The following RGS6 variants were observed in gnomAD, a reference collection of about 807,000 sequenced individuals.
RGS6 encodes regulator of G-protein signaling 6.
Under a neutral mutation model 78.5 loss-of-function variants are expected in RGS6, and 30 were observed. The ratio of observed to expected loss-of-function variants is 0.38; its 90% CI spans 0.29 to 0.52. The LOEUF (loss-of-function observed/expected upper bound fraction) is 0.52. Ranked by LOEUF, RGS6 falls within the 20% of genes least tolerant of loss-of-function variation. RGS6 has a pLI of 0.85. For synonymous variants in RGS6, 206 were observed against 206.0 expected, an observed-to-expected ratio of 1.00 and a Z score of 0.00; for missense variants, 495 against 609.7, an observed-to-expected ratio of 0.81 and a Z score of 1.98.
At chr14:71,919,455 A>G in the RGS6 span, among the ~76,000 whole-genome samples, 3 of 152,088 alleles carry the variant, frequency 2.0e-5, no homozygotes. Context: ...TCAACAAGAT[A>G]TAGGGTGTGT....
the RGS6 span, chr14:72,620,010 A>T: frequency 6.6e-7 from 1 of 1,514,212 alleles, no homozygotes; most frequent in Admixed American, 2.1e-5. Flanking sequence ...GTAAGCACAG[A>T]GGAGGAGAGA....
intron 2 of RGS6, among the ~76,000 whole-genome samples, chr14:72,032,014 A>T (rs1282263503): frequency 6.6e-6 from 1 of 152,172 alleles, no homozygotes; most frequent in Non-Finnish European, 1.5e-5. Flanking sequence ...ACTTAAACTA[A>T]TCCTAGATTA....
intron 2 of RGS6, among the ~76,000 whole-genome samples, chr14:72,046,598 T>C (rs1370567989): frequency 6.6e-6 from 1 of 151,846 alleles, no homozygotes; most frequent in African/African-American, 2.4e-5. Context: ...TCCTCTCCTC[T>C]TCTTCCTCCC....
intron 1 of RGS6, among the ~76,000 whole-genome samples, chr14:71,935,429 A>G (rs925337799): frequency 5.3e-5 from 8 of 152,208 alleles, no homozygotes; most frequent in African/African-American, 1.9e-4. Context: ...TTATAAATAT[A>G]AAATATAGCT....
intron 3 of RGS6, among the ~76,000 whole-genome samples, chr14:72,372,432 T>C (rs532794016): frequency 6.6e-6 from 1 of 152,362 alleles, no homozygotes; most frequent in African/African-American, 2.4e-5. Context: ...CAGGATTTTC[T>C]ACAGCGATCT....
chr14:72,529,525 A>T (rs1251184800), intron 15 of RGS6, among the ~76,000 whole-genome samples: 1 of 152,042 alleles, frequency 6.6e-6, no homozygotes, highest in Non-Finnish European at 1.5e-5. Context: ...GTGGTGTCCA[A>T]ACTGCTCCTC....
chr14:71,938,938 C>G (rs996625580), intron 1 of RGS6, among the ~76,000 whole-genome samples: 2 of 152,162 alleles, frequency 1.3e-5, no homozygotes, highest in Non-Finnish European at 2.9e-5. Flanking sequence ...CCTATGGGCG[C>G]CTGCCAAAGG....
downstream of RGS6, among the ~76,000 whole-genome samples, chr14:72,566,986 C>G (rs2097713941): frequency 6.6e-6 from 1 of 152,214 alleles, no homozygotes; most frequent in African/African-American, 2.4e-5. Context: ...GCACTTCCCA[C>G]TAACGCCAAA....
Position 72,459,648 on chromosome 14 carries a change from C to A in RGS6, c.359C>A (p.Pro120His). 1 of 1,614,144 alleles carries A rather than the reference C, an allele frequency of 6.2e-7. No individual in the cohort carries two copies. The highest frequency in any genetic ancestry group is 1.1e-5 in the South Asian group (1 of 91,078). ...CCTTTGCAGGCTCCGTACTTCTGGC[C>A]TTCGAACTGCTGGGAACCTGAAAAC... is the stretch of plus-strand genomic sequence containing the variant. ...FYRFQAPYFW[P>H]SNCWEPENTD... The change falls in exon 6 of 18, where the codon CCT (proline) becomes CAT (histidine). Residue 120 changes from proline to histidine, a missense_variant. Physicochemically the swap from Pro to His is moderately conservative, Grantham distance 77 (BLOSUM62 -2). Transcript: ENST00000553525.
chr14:72,137,268 T>C (rs1295050360), intron 2 of RGS6, among the ~76,000 whole-genome samples: 2 of 152,178 alleles, frequency 1.3e-5, no homozygotes, highest in Admixed American at 1.3e-4. Flanking sequence ...CTGCAGCCCT[T>C]CATGGTAGGT....
chr14:72,361,927 G>T (rs1284222155), intron 3 of RGS6, among the ~76,000 whole-genome samples: 1 of 152,180 alleles, frequency 6.6e-6, no homozygotes. Context: ...TATAAAGTGT[G>T]GGAGGGAAAA....
chr14:71,912,978 A>G, the RGS6 span, among the ~76,000 whole-genome samples: 1 of 151,810 alleles, frequency 6.6e-6, no homozygotes, highest in African/African-American at 2.4e-5. Context: ...GGTGCCCACC[A>G]CCACACCCGG....
intron 2 of RGS6, among the ~76,000 whole-genome samples, chr14:72,239,855 A>G (rs1037041432): frequency 5.9e-5 from 9 of 152,208 alleles, no homozygotes; most frequent in Non-Finnish European, 1.3e-4. Flanking sequence ...TTAATGAACT[A>G]TCTGTTGCAG....
In RGS6 at chr14:72,136,811, C is replaced by G. The variant is rs907257307; in HGVS notation, c.84+171936C>G. On this transcript the variant is annotated intron_variant, in intron 2 of 17. Transcript: ENST00000553525. ...GGTCTTTGAACCTGTTTTGCTCTGC[C>G]CACTGGAGTATGCTGTCCATCAAAT... 2.6e-5 allele frequency among the ~76,000 whole-genome samples: 4 copies of G among 152,226 alleles called. No homozygotes were observed. In the East Asian group the frequency reaches 5.8e-4, roughly 22 times the overall value.
intron 2 of RGS6, among the ~76,000 whole-genome samples, chr14:72,162,818 A>C (rs1335773102): frequency 6.6e-6 from 1 of 152,230 alleles, no homozygotes; most frequent in African/African-American, 2.4e-5. Flanking sequence ...ACACACATAT[A>C]TATACATATA....
chr14:72,078,240 T>G (rs992366742), intron 2 of RGS6, among the ~76,000 whole-genome samples: 4 of 152,264 alleles, frequency 2.6e-5, no homozygotes, highest in Admixed American at 2.6e-4. Context: ...GCACCGGCCA[T>G]GTAAGGTGAG....
At chr14:72,188,625 C>A (rs2097282160) in intron 2 of RGS6, among the ~76,000 whole-genome samples, 1 of 152,210 alleles carries the variant, frequency 6.6e-6, no homozygotes, top group African/African-American at 2.4e-5. Flanking sequence ...CTTTGTATAA[C>A]TGCATTAAAC....
intron 17 of RGS6, among the ~76,000 whole-genome samples, chr14:72,558,466 C>G (rs1411659604): frequency 6.6e-6 from 1 of 152,172 alleles, no homozygotes; most frequent in Non-Finnish European, 1.5e-5. Flanking sequence ...CTTGGTAACC[C>G]AGATAGTGCA....
chr14:72,168,297 G>A (rs1195822651), intron 2 of RGS6, among the ~76,000 whole-genome samples: 2 of 152,042 alleles, frequency 1.3e-5, no homozygotes, highest in Non-Finnish European at 1.5e-5. Context: ...CACAGGCCTC[G>A]GAATGTGGCA....
Sources: gnomAD v4.1 joint callset for allele counts (sites outside exome capture counted in the v4.1 genomes callset) on GRCh38, gnomAD v4.1.1 for gene constraint, MANE v1.5 for transcripts, NCBI Gene and HGNC (gene_info 2026-07-23, HGNC 2026-07-21) for gene names.